The following TIAM1 variants were observed in gnomAD, a reference collection of about 807,000 sequenced individuals.
The protein encoded by TIAM1 is TIAM Rac1 associated GEF 1.
A neutral mutation model predicts 163.5 loss-of-function variants in TIAM1; 65 were observed. That is an observed-to-expected ratio of 0.40 (90% CI 0.33 to 0.49). TIAM1 has a LOEUF of 0.49. Ranked by LOEUF, TIAM1 falls within the 20% of genes least tolerant of loss-of-function variation. The pLI, the probability that TIAM1 is intolerant of heterozygous loss-of-function variation, is 0.77. For missense variants in TIAM1, 1,789 were observed against 2,044.7 expected, an observed-to-expected ratio of 0.87 and a Z score of 2.41; for synonymous variants, 833 against 810.1, an observed-to-expected ratio of 1.03 and a Z score of -0.48.
At chr21:31,174,538 C>T (rs1388517516) in intron 15 of TIAM1, among the ~76,000 whole-genome samples, 1 of 152,236 alleles carries the variant, frequency 6.6e-6, no homozygotes, top group Non-Finnish European at 1.5e-5. Context: ...TGCTGTTAGC[C>T]ACACGCACTT....
At chr21:31,557,410 G>A (rs1362298043) in intron 1 of TIAM1, among the ~76,000 whole-genome samples, 1 of 152,186 alleles carries the variant, frequency 6.6e-6, no homozygotes, top group Non-Finnish European at 1.5e-5. Flanking sequence ...GTGCTTTGAG[G>A]TTAATCTATA....
At position 31,305,416 on chromosome 21, in the gene TIAM1, T is replaced by TA. The variant is rs1242158906; in HGVS notation, c.-188-28509dup. Among the ~76,000 whole-genome samples, 172 of 117,910 alleles carry TA rather than the reference T, an allele frequency of 1.5e-3. 2 individuals carry two copies. Among genetic ancestry groups the TA allele is most frequent in the African/African-American group, 5.4e-3 (159 of 29,254 alleles). 77.4% of individuals were successfully genotyped at this position (117,910 alleles called of 152,430 possible). ...GGAGCGATGGGCATTAACTCTGAAA[T>TA]AAAAATAAAAAAAAAAAAAAAACAG... On this transcript the variant is annotated intron_variant, in intron 2 of 27. Transcript: ENST00000541036.
At chr21:31,514,061 G>C (rs75523435) in intron 1 of TIAM1, among the ~76,000 whole-genome samples, 2,316 of 152,154 alleles carry the variant, frequency 0.015, 56 homozygotes, top group African/African-American at 0.052. Context: ...CTGCGACAGA[G>C]GGACATTTCT....
intron 2 of TIAM1, among the ~76,000 whole-genome samples, chr21:31,324,694 A>G (rs1374386552): frequency 6.6e-6 from 1 of 152,186 alleles, no homozygotes; most frequent in African/African-American, 2.4e-5. Context: ...CTAGGATTCC[A>G]TCCACAGGGC....
At chr21:31,210,632 A>G (rs1325893901) in intron 10 of TIAM1, among the ~76,000 whole-genome samples, 679 of 24,412 alleles carry the variant, frequency 0.028, 24 homozygotes, top group African/African-American at 0.041. Context: ...AAAGAAAGAA[A>G]GAAAGAAAGA....
intron 3 of TIAM1, among the ~76,000 whole-genome samples, chr21:31,274,768 C>T (rs1054366394): frequency 2.0e-5 from 3 of 152,170 alleles, no homozygotes; most frequent in Non-Finnish European, 4.4e-5. Flanking sequence ...ATTTGAGATG[C>T]ACGTTCAACA....
chr21:31,150,716 G>C (rs868062306), intron 19 of TIAM1, among the ~76,000 whole-genome samples: 3 of 152,002 alleles, frequency 2.0e-5, no homozygotes, highest in African/African-American at 7.2e-5. Context: ...GATTCAAAAA[G>C]GGAAAATTTG....
At chr21:31,265,279 C>T in intron 4 of TIAM1, among the ~76,000 whole-genome samples, 1 of 150,124 alleles carries the variant, frequency 6.7e-6, no homozygotes, top group East Asian at 2.0e-4. Flanking sequence ...TAGTTTCCTC[C>T]CCACGGTTTC....
chr21:31,276,575 G>A (rs1174994373), intron 3 of TIAM1, among the ~76,000 whole-genome samples, 157 bp downstream of exon 3: 1 of 152,198 alleles, frequency 6.6e-6, no homozygotes, highest in Non-Finnish European at 1.5e-5. Flanking sequence ...CGAATTGTCA[G>A]ATAGGTGTAA....
intron 2 of TIAM1, among the ~76,000 whole-genome samples, chr21:31,419,964 G>A (rs567447837): frequency 3.3e-5 from 5 of 152,294 alleles, no homozygotes; most frequent in East Asian, 1.9e-4. Context: ...CAGGAGAATC[G>A]CTTGAACCCG....
At position 31,182,661 on chromosome 21, in the gene TIAM1, G is replaced by A; in HGVS notation, c.2663-16C>T. On this transcript the variant is annotated splice_polypyrimidine_tract_variant and intron_variant, in intron 14 of 27. Coordinates refer to ENST00000541036, the MANE Select transcript of TIAM1 (RefSeq NM_001353694.2). ...GCTTTCAGGCCTGCCAACGCAAGAT[G>A]GAAAATTTTTAATTTCACACACATT... 6.2e-7 allele frequency: 1 copy of A among 1,603,480 alleles called. No individual in the cohort carries two copies. The highest frequency in any genetic ancestry group is 8.5e-7 in the Non-Finnish European group (1 of 1,174,970).
chr21:31,214,900 T>A (rs576943007), intron 9 of TIAM1, among the ~76,000 whole-genome samples: 1 of 152,222 alleles, frequency 6.6e-6, no homozygotes, highest in African/African-American at 2.4e-5. Context: ...GTGCTAGGAT[T>A]ACAGGCATGA....
chr21:31,390,073 C>G (rs1436727881), intron 2 of TIAM1, among the ~76,000 whole-genome samples: 2 of 152,146 alleles, frequency 1.3e-5, no homozygotes, highest in Non-Finnish European at 2.9e-5. Context: ...AGCACAAAGA[C>G]TTTCTTAAGC....
At chr21:31,386,643 G>A (rs1032872835) in intron 2 of TIAM1, among the ~76,000 whole-genome samples, 1 of 152,082 alleles carries the variant, frequency 6.6e-6, no homozygotes, top group Admixed American at 6.6e-5. Flanking sequence ...CAGGGCAAGG[G>A]ACCCAAAGAC....
At chr21:31,540,081 A>T (rs2048272425) in intron 1 of TIAM1, among the ~76,000 whole-genome samples, 1 of 152,004 alleles carries the variant, frequency 6.6e-6, no homozygotes, top group African/African-American at 2.4e-5. Flanking sequence ...AAGGGAAAGG[A>T]TCAATAAAAG....
intron 2 of TIAM1, among the ~76,000 whole-genome samples, chr21:31,417,015 G>A (rs1236360366): frequency 6.6e-6 from 1 of 152,098 alleles, no homozygotes; most frequent in African/African-American, 2.4e-5. Flanking sequence ...TTATTTTATT[G>A]TATTTCATTT....
At chr21:31,521,837 C>T (rs538563090) in intron 1 of TIAM1, among the ~76,000 whole-genome samples, 1 of 152,136 alleles carries the variant, frequency 6.6e-6, no homozygotes, top group East Asian at 1.9e-4. Context: ...ATCACTCTGG[C>T]CCAGGCTAGA....
At chr21:31,379,652 T>A (rs2147171582) in intron 2 of TIAM1, among the ~76,000 whole-genome samples, 1 of 152,060 alleles carries the variant, frequency 6.6e-6, no homozygotes, top group African/African-American at 2.4e-5. Flanking sequence ...AGTGGATAAA[T>A]AAAATATGGT....
chr21:31,242,735 G>A (rs924657397), intron 6 of TIAM1, among the ~76,000 whole-genome samples: 5 of 151,622 alleles, frequency 3.3e-5, no homozygotes, highest in African/African-American at 1.2e-4. Flanking sequence ...TGGGTTGGGA[G>A]ACCAAAACAG....
Sources: gnomAD v4.1 joint callset for allele counts (sites outside exome capture counted in the v4.1 genomes callset) on GRCh38, gnomAD v4.1.1 for gene constraint, MANE v1.5 for transcripts, NCBI Gene and HGNC (gene_info 2026-07-23, HGNC 2026-07-21) for gene names.